The following PCDH11X variants were observed in gnomAD, a reference collection of about 807,000 sequenced individuals.
PCDH11X encodes the protein protocadherin-11 X-linked.
Under a neutral mutation model 53.3 loss-of-function variants are expected in PCDH11X, and 18 were observed. The observed-to-expected ratio is 0.34, with a 90% confidence interval of 0.23 to 0.50. PCDH11X has a LOEUF of 0.50. Ranked by LOEUF, PCDH11X falls within the 20% of genes least tolerant of loss-of-function variation. PCDH11X has a pLI of 0.98. For synonymous variants in PCDH11X, 279 were observed against 393.3 expected (o/e 0.71, Z 3.44); for missense variants, 570 against 1,032.4 (o/e 0.55, Z 6.14).
At chrX:91,932,499 CAA>C (rs1486463101) in intron 6 of PCDH11X, among the ~76,000 whole-genome samples, 2 of 98,644 alleles carry the variant, frequency 2.0e-5, no homozygotes, top group Non-Finnish European at 4.1e-5. Context: ...AGGGAAAATT[CAA>C]AAGAGAGGCC....
chrX:92,390,642 A>G (rs1212804516), intron 9 of PCDH11X, among the ~76,000 whole-genome samples: 1 of 98,975 alleles, frequency 1.0e-5, no homozygotes, highest in Admixed American at 1.2e-4. Flanking sequence ...GCTGTCCTTA[A>G]GCAATGGAAT....
intron 9 of PCDH11X, among the ~76,000 whole-genome samples, chrX:92,442,521 C>T (rs2072537604): frequency 8.9e-6 from 1 of 111,830 alleles, no homozygotes; most frequent in African/African-American, 3.3e-5. Context: ...CTGCTGCCAT[C>T]CACGTAAGAT....
chrX:92,205,724 C>G (rs1056400510), intron 7 of PCDH11X, among the ~76,000 whole-genome samples: 17 of 108,678 alleles, frequency 1.6e-4, no homozygotes, highest in African/African-American at 5.0e-4. Flanking sequence ...CCTCAGCCTC[C>G]CAAGTAGCTG....
chrX:91,845,499 A>T (rs1314244928), intron 5 of PCDH11X, among the ~76,000 whole-genome samples: 3 of 109,035 alleles, frequency 2.8e-5, no homozygotes, highest in Non-Finnish European at 5.7e-5. Context: ...CATGCTATCA[A>T]TGTTTAATCC....
intron 6 of PCDH11X, among the ~76,000 whole-genome samples, chrX:91,954,529 C>A (rs891143824): frequency 9.0e-6 from 1 of 111,443 alleles, no homozygotes; most frequent in South Asian, 3.8e-4. Flanking sequence ...TTTGAGGAAT[C>A]ACCACACTGT....
chrX:92,460,481 A>G (rs2073015060), intron 9 of PCDH11X: 1 of 722,012 alleles, frequency 1.4e-6, no homozygotes. Context: ...TGGCCTCAGC[A>G]GTTTGAGGAG....
At chrX:92,596,481 G>A (rs1429209935) in intron 10 of PCDH11X, among the ~76,000 whole-genome samples, 11 of 106,168 alleles carry the variant, frequency 1.0e-4, no homozygotes, top group Non-Finnish European at 1.2e-4. Flanking sequence ...AAATTTCTGG[G>A]CAAATGCCAC....
At chrX:92,536,843 A>C (rs987182695) in intron 10 of PCDH11X, among the ~76,000 whole-genome samples, 21 of 109,163 alleles carry the variant, frequency 1.9e-4, no homozygotes, top group African/African-American at 6.7e-4. Flanking sequence ...TTTTTTGTAG[A>C]GACAGGGCTG....
chrX:92,128,677 G>T (rs924117762), intron 6 of PCDH11X, among the ~76,000 whole-genome samples: 1 of 110,293 alleles, frequency 9.1e-6, no homozygotes, highest in Admixed American at 9.8e-5. Context: ...GGGATTACAG[G>T]TGTCAGCCAC....
chrX:92,026,455 G>A (rs1257942685), intron 6 of PCDH11X, among the ~76,000 whole-genome samples: 1 of 110,287 alleles, frequency 9.1e-6, no homozygotes, highest in South Asian at 3.9e-4. Context: ...CACTCACACT[G>A]GAGGAATGTG....
intron 8 of PCDH11X, among the ~76,000 whole-genome samples, chrX:92,367,027 G>A (rs1182459075): frequency 4.6e-5 from 5 of 108,004 alleles, no homozygotes; most frequent in Non-Finnish European, 7.7e-5. Context: ...GTCCAGAGCC[G>A]AGTTCAAGTC....
At chrX:92,505,085 A>C (rs1385766788) in intron 10 of PCDH11X, among the ~76,000 whole-genome samples, 20 of 107,397 alleles carry the variant, frequency 1.9e-4, no homozygotes, top group African/African-American at 6.4e-4. Context: ...CATTTGAATA[A>C]ATTTTCTCCC....
At chrX:92,345,487 A>G (rs1387241303) in intron 8 of PCDH11X, among the ~76,000 whole-genome samples, 2 of 110,567 alleles carry the variant, frequency 1.8e-5, no homozygotes, top group Non-Finnish European at 3.8e-5. Flanking sequence ...CCCCAACTCT[A>G]CACTAGAAAT....
intron 10 of PCDH11X, among the ~76,000 whole-genome samples, chrX:92,543,354 G>A (rs761131406): frequency 3.7e-5 from 4 of 108,577 alleles, no homozygotes; most frequent in African/African-American, 1.3e-4. Flanking sequence ...TCTTAATACA[G>A]CACTATATTT....
intron 8 of PCDH11X, among the ~76,000 whole-genome samples, chrX:92,361,458 CA>C (rs1306988357): frequency 5.4e-5 from 6 of 111,459 alleles, no homozygotes; most frequent in African/African-American, 1.9e-4. Context: ...TAACTTCTTG[CA>C]ACTAAGAATT....
chrX:92,206,702 T>A (rs1299052232), intron 7 of PCDH11X, among the ~76,000 whole-genome samples: 4 of 110,154 alleles, frequency 3.6e-5, no homozygotes, highest in African/African-American at 1.3e-4. Context: ...AATTTTTGTA[T>A]TTATAGTAGA....
chrX:92,029,150 A>G (rs1486666000), intron 6 of PCDH11X, among the ~76,000 whole-genome samples: 2 of 111,836 alleles, frequency 1.8e-5, no homozygotes, highest in Non-Finnish European at 3.8e-5. Flanking sequence ...CAAAATGCAC[A>G]TCTGCTACAG....
intron 6 of PCDH11X, among the ~76,000 whole-genome samples, chrX:92,142,378 A>G (rs1296657689): frequency 4.6e-5 from 5 of 107,832 alleles, no homozygotes; most frequent in African/African-American, 1.7e-4. Flanking sequence ...GCGCACACAC[A>G]CACACACACA....
intron 6 of PCDH11X, among the ~76,000 whole-genome samples, chrX:91,999,677 C>G (rs2062477098): frequency 1.8e-5 from 2 of 109,608 alleles, no homozygotes; most frequent in African/African-American, 6.6e-5. Flanking sequence ...ATAACACTGG[C>G]TACACTAGAT....
Sources: allele counts gnomAD v4.1 joint callset (sites outside exome capture counted in the v4.1 genomes callset), GRCh38; gene constraint gnomAD v4.1.1; transcripts MANE v1.5; gene names NCBI Gene and HGNC (gene_info 2026-07-23, HGNC 2026-07-21).